PLXNC1: variants seen among roughly 807,000 people sequenced by gnomAD.
PLXNC1 encodes the protein plexin-C1.
Under a neutral mutation model 178.2 loss-of-function variants are expected in PLXNC1, and 75 were observed. The observed-to-expected ratio is 0.42, with a 90% CI of 0.35 to 0.51. PLXNC1 has a LOEUF of 0.51. Among genes scored for constraint, PLXNC1 ranks in the 20% least tolerant of loss-of-function variants. PLXNC1 has a pLI of 0.02. For synonymous variants in PLXNC1, 790 were observed against 779.9 expected, an observed-to-expected ratio of 1.01 and a Z score of -0.22; for missense variants, 1,503 against 1,984.4, an observed-to-expected ratio of 0.76 and a Z score of 4.61.
intron 20 of PLXNC1, chr12:94,262,511 T>G: frequency 1.0e-6 from 1 of 985,430 alleles, no homozygotes; most frequent in Non-Finnish European, 1.2e-6. Context: ...GCATTCTGGG[T>G]CAAGACTTCA....
Position 94,294,937 on chromosome 12 carries a change from A to G in PLXNC1, c.3934+397A>G, listed in dbSNP as rs75900484. ...AAGCAAGCGCTGAACAAACAAGATA[A>G]TCCACTTAGAAGGTCCAAGTCTCCT... On this transcript the variant is annotated intron_variant, in intron 24 of 30. Transcript: ENST00000258526. Among the ~76,000 whole-genome samples the G allele has an allele frequency of 6.2e-4, 95 of 152,336 alleles. 1 individual carries two copies. In the East Asian group the frequency reaches 0.015, roughly 24 times the overall value.
intron 21 of PLXNC1, among the ~76,000 whole-genome samples, chr12:94,269,219 A>G (rs1351631751): frequency 6.6e-6 from 1 of 152,192 alleles, no homozygotes; most frequent in Non-Finnish European, 1.5e-5. Context: ...TCTGAGAGAG[A>G]GCATCTTGGC....
intron 4 of PLXNC1, among the ~76,000 whole-genome samples, chr12:94,201,934 T>C (rs1040471232): frequency 6.6e-6 from 1 of 151,740 alleles, no homozygotes; most frequent in Non-Finnish European, 1.5e-5. Context: ...GCCCAGCTAA[T>C]TTTTTGTATT....
At chr12:94,217,768 C>A (rs1963686156) in intron 5 of PLXNC1, among the ~76,000 whole-genome samples, 1 of 152,146 alleles carries the variant, frequency 6.6e-6, no homozygotes, top group African/African-American at 2.4e-5. Context: ...TCCTTGATAC[C>A]ATGTGACCTT....
intron 23 of PLXNC1, among the ~76,000 whole-genome samples, chr12:94,291,656 G>A (rs534616449): frequency 6.6e-4 from 101 of 152,204 alleles, no homozygotes; most frequent in African/African-American, 2.2e-3. Context: ...CATCCCTCCC[G>A]AAGAAACCTT....
intron 2 of PLXNC1, among the ~76,000 whole-genome samples, chr12:94,170,826 C>A (rs950129466): frequency 2.0e-5 from 3 of 152,164 alleles, no homozygotes. Flanking sequence ...GATCATCTTT[C>A]CTGTTGTGTT....
intron 3 of PLXNC1, among the ~76,000 whole-genome samples, chr12:94,182,517 C>T (rs1400263986): frequency 6.7e-6 from 1 of 149,514 alleles, no homozygotes; most frequent in Non-Finnish European, 1.5e-5. Context: ...TGAGTTCAGA[C>T]GTTCAAGACC....
chr12:94,180,669 A>G (rs1962272415), intron 2 of PLXNC1, among the ~76,000 whole-genome samples: 1 of 152,240 alleles, frequency 6.6e-6, no homozygotes, highest in Non-Finnish European at 1.5e-5. Context: ...TATATTTTAT[A>G]TGTGAACACA....
At chr12:94,214,261 A>AT (rs1421668963) in intron 5 of PLXNC1, among the ~76,000 whole-genome samples, 2 of 151,538 alleles carry the variant, frequency 1.3e-5, no homozygotes, top group African/African-American at 2.4e-5. Context: ...ATTTTTAAAA[A>AT]TTTTTTATAG....
chr12:94,209,280 G>C (rs1327664199), intron 4 of PLXNC1, among the ~76,000 whole-genome samples: 2 of 152,308 alleles, frequency 1.3e-5, no homozygotes, highest in East Asian at 3.9e-4. Context: ...GAATCCATGG[G>C]AGGATGTGTT....
At chr12:94,150,086 GC>G in intron 1 of PLXNC1, 53 bp downstream of exon 1, 4 of 1,406,464 alleles carry the variant, frequency 2.8e-6, no homozygotes, top group Non-Finnish European at 3.8e-6. Flanking sequence ...GGGAGCCGCC[GC>G]CGCCGCCGAG....
At chr12:94,299,512 G>A in intron 27 of PLXNC1, among the ~76,000 whole-genome samples, 1 of 152,040 alleles carries the variant, frequency 6.6e-6, no homozygotes, top group South Asian at 2.1e-4. Flanking sequence ...TTTAATCCAG[G>A]CCTATCCCAA....
chr12:94,234,963 G>C (rs1964202481), intron 9 of PLXNC1, among the ~76,000 whole-genome samples: 1 of 152,186 alleles, frequency 6.6e-6, no homozygotes, highest in South Asian at 2.1e-4. Context: ...ATACAGGGCA[G>C]CCATGGAGCT....
At chr12:94,243,099 C>T (rs375845648) in intron 11 of PLXNC1, among the ~76,000 whole-genome samples, 1 of 152,268 alleles carries the variant, frequency 6.6e-6, no homozygotes, top group Non-Finnish European at 1.5e-5. Flanking sequence ...TACAGACTGG[C>T]ATGAGGCCAA....
intron 21 of PLXNC1, among the ~76,000 whole-genome samples, chr12:94,269,181 T>C (rs1345445019): frequency 6.6e-6 from 1 of 152,230 alleles, no homozygotes; most frequent in African/African-American, 2.4e-5. Flanking sequence ...TTTGAACTCT[T>C]AGAAAACGAG....
chr12:94,186,311 T>A, intron 3 of PLXNC1, 62 bp from the exon 4 acceptor site: 1 of 1,151,812 alleles, frequency 8.7e-7, no homozygotes, highest in Non-Finnish European at 1.3e-6. Context: ...TTAGATAAGG[T>A]GTTGTAGTTT....
At position 94,259,633 on chromosome 12, in the gene PLXNC1, TG is replaced by T; in HGVS notation, c.3151del (p.Glu1051LysfsTer9). The T allele has an allele frequency of 6.2e-7, 1 of 1,609,548 alleles. No homozygotes were observed. Among genetic ancestry groups the T allele is most frequent in the Non-Finnish European group, 8.5e-7 (1 of 1,177,326 alleles). On this transcript the variant is annotated frameshift_variant, in exon 19 of 31. Coordinates refer to ENST00000258526, the MANE Select transcript of PLXNC1 (RefSeq NM_005761.3). LOFTEE classifies it high-confidence loss of function. ...AGAACAGAGACGCCAACGACAAGAA[TG>T]AAAGTCTCACAGCTTTGGATGCCCT... ...MHNRDANDKN[E>X]SLTALDALIC...
At chr12:94,177,191 A>C (rs1175778556) in intron 2 of PLXNC1, among the ~76,000 whole-genome samples, 1 of 56,736 alleles carries the variant, frequency 1.8e-5, no homozygotes, top group Non-Finnish European at 3.1e-5. Context: ...ATATATGTAT[A>C]TATATATACG....
intron 21 of PLXNC1, chr12:94,272,205 G>C (rs1264743189): frequency 6.6e-6 from 1 of 152,224 alleles, no homozygotes; most frequent in Non-Finnish European, 1.5e-5. Context: ...GTACAGAACA[G>C]AGACCCAAGA....
Sources: allele counts gnomAD v4.1 joint callset (sites outside exome capture counted in the v4.1 genomes callset), GRCh38; gene constraint gnomAD v4.1.1; transcripts MANE v1.5; gene names NCBI Gene and HGNC (gene_info 2026-07-23, HGNC 2026-07-21).